The following KAZN variants were observed in gnomAD, a reference collection of about 807,000 sequenced individuals.
KAZN encodes kazrin, periplakin interacting protein.
KAZN carries 40 observed loss-of-function variants against 87.4 expected under a neutral mutation model. The observed-to-expected ratio is 0.46, with a 90% CI of 0.36 to 0.60. KAZN has a LOEUF of 0.60. Among genes scored for constraint, KAZN ranks in the 20% least tolerant of loss-of-function variants. The pLI is 0.00. For synonymous variants in KAZN, 466 were observed against 458.3 expected, an observed-to-expected ratio of 1.02 and a Z score of -0.22; for missense variants, 898 against 1,073.9, an observed-to-expected ratio of 0.84 and a Z score of 2.29.
At chr1:14,843,952 A>G (rs1648351943) in intron 1 of KAZN, among the ~76,000 whole-genome samples, 3 of 152,186 alleles carry the variant, frequency 2.0e-5, no homozygotes, top group Admixed American at 2.0e-4. Context: ...GCTTGGAACG[A>G]TTTCTTCCTG....
intron 1 of KAZN, among the ~76,000 whole-genome samples, chr1:14,933,564 T>G (rs1160870605): frequency 6.8e-6 from 1 of 147,258 alleles, no homozygotes; most frequent in African/African-American, 2.7e-5. Context: ...GGGGAAGATG[T>G]AAATCCAGGT....
At chr1:15,076,900 G>T in intron 8 of KAZN, among the ~76,000 whole-genome samples, 1 of 152,222 alleles carries the variant, frequency 6.6e-6, no homozygotes, top group East Asian at 1.9e-4. Context: ...GGCTCTCTCA[G>T]TTGCCAGCAT....
chr1:14,829,999 A>G (rs989768999), intron 1 of KAZN, among the ~76,000 whole-genome samples: 5 of 152,216 alleles, frequency 3.3e-5, no homozygotes, highest in Non-Finnish European at 5.9e-5. Flanking sequence ...GGCTATAGTA[A>G]TCAGTTCTTT....
At chr1:14,067,857 A>T (rs1643072025) in intron 1 of KAZN, among the ~76,000 whole-genome samples, 1 of 152,210 alleles carries the variant, frequency 6.6e-6, no homozygotes, top group South Asian at 2.1e-4. Flanking sequence ...TTCCTCATTC[A>T]GGCAGACTCA....
intron 2 of KAZN, among the ~76,000 whole-genome samples, chr1:14,303,480 G>A (rs577394582): frequency 1.1e-4 from 17 of 152,202 alleles, no homozygotes; most frequent in South Asian, 4.1e-4. Context: ...TCCTGACCTC[G>A]GATCTGCCCA....
At chr1:14,671,640 C>CTT (rs1054117152) in intron 1 of KAZN, among the ~76,000 whole-genome samples, 3 of 148,840 alleles carry the variant, frequency 2.0e-5, no homozygotes, top group African/African-American at 7.4e-5. Flanking sequence ...AGGGCCCATC[C>CTT]TTTTTTTTTT....
intron 1 of KAZN, among the ~76,000 whole-genome samples, chr1:14,170,977 G>T (rs991245341): frequency 9.9e-5 from 15 of 152,164 alleles, no homozygotes; most frequent in African/African-American, 3.6e-4. Context: ...CTCCCAAAGT[G>T]CTGGGATTAC....
intron 1 of KAZN, among the ~76,000 whole-genome samples, chr1:14,845,819 T>C (rs1648684746): frequency 6.6e-6 from 1 of 152,020 alleles, no homozygotes; most frequent in African/African-American, 2.4e-5. Flanking sequence ...GGGAGGGAGC[T>C]GGAGACAGCT....
intron 1 of KAZN, among the ~76,000 whole-genome samples, chr1:14,859,619 A>C (rs1650597477): frequency 6.6e-6 from 1 of 152,136 alleles, no homozygotes; most frequent in African/African-American, 2.4e-5. Context: ...CTCTGAATCT[A>C]ATTAGAATGT....
At chr1:13,981,829 G>C (rs12063315) in intron 1 of KAZN, among the ~76,000 whole-genome samples, 2 of 152,178 alleles carry the variant, frequency 1.3e-5, no homozygotes, top group African/African-American at 4.8e-5. Flanking sequence ...ACAGACCCTA[G>C]AAGATGCTGT....
intron 1 of KAZN, 36 bp from the exon 2 acceptor site, chr1:14,960,648 G>T: frequency 1.3e-6 from 2 of 1,542,446 alleles, no homozygotes; most frequent in Non-Finnish European, 1.7e-6. Context: ...CGGCAGAGAC[G>T]TTCCTGTCCT....
At chr1:14,689,193 T>TCAAAACAAAACAAAACAAAA (rs3081470) in intron 1 of KAZN, among the ~76,000 whole-genome samples, 5 of 147,760 alleles carry the variant, frequency 3.4e-5, no homozygotes, top group African/African-American at 1.3e-4. Context: ...AGACTCTGTC[T>TCAAAACAAAACAAAACAAAA]CAAAACAAAA....
In KAZN at chr1:14,273,749, T is replaced by C. The variant is rs1411857434; in HGVS notation, c.249+93157T>C. ...CTCAATAGCTACGTCCTTTCCTTCA[T>C]CTCCTCTTGGTCAAGACCTTTCTAA... On this transcript the variant is annotated intron_variant, in intron 2 of 16. Coordinates refer to the KAZN transcript ENST00000636203. Among the ~76,000 whole-genome samples, 3 of 152,288 alleles carry C rather than the reference T, an allele frequency of 2.0e-5. No individual in the cohort carries two copies. In the East Asian group the frequency reaches 5.8e-4, roughly 29 times the overall value.
At chr1:13,995,277 G>A (rs1163898216) in intron 1 of KAZN, among the ~76,000 whole-genome samples, 2 of 148,930 alleles carry the variant, frequency 1.3e-5, no homozygotes, top group African/African-American at 2.5e-5. Context: ...ATTTGCAGAT[G>A]ACCATGATTG....
intron 2 of KAZN, among the ~76,000 whole-genome samples, chr1:14,361,677 C>A (rs1026326002): frequency 6.6e-6 from 1 of 152,242 alleles, no homozygotes; most frequent in Non-Finnish European, 1.5e-5. Context: ...CAGTCCCTCA[C>A]GGCTCCCTTG....
chr1:14,637,544 TC>T (rs1379985538), intron 1 of KAZN, among the ~76,000 whole-genome samples: 2 of 152,106 alleles, frequency 1.3e-5, no homozygotes, highest in African/African-American at 4.8e-5. Flanking sequence ...GATAATCTCT[TC>T]TCAAGGCTGG....
intron 2 of KAZN, among the ~76,000 whole-genome samples, chr1:14,454,260 C>A (rs1272083442): frequency 6.6e-6 from 1 of 152,170 alleles, no homozygotes; most frequent in Non-Finnish European, 1.5e-5. Context: ...TTGTTGAAAT[C>A]TAGAGAACAT....
intron 1 of KAZN, among the ~76,000 whole-genome samples, chr1:14,089,715 G>T (rs1427475067): frequency 6.6e-6 from 1 of 152,076 alleles, no homozygotes; most frequent in Non-Finnish European, 1.5e-5. Flanking sequence ...TTTCATATTT[G>T]CTATTTCTGG....
At chr1:14,986,130 C>T (rs1666799297) in intron 2 of KAZN, among the ~76,000 whole-genome samples, 1 of 151,824 alleles carries the variant, frequency 6.6e-6, no homozygotes, top group South Asian at 2.1e-4. Context: ...ATTTGGGATC[C>T]TGGATCGGAG....
Sources: allele counts gnomAD v4.1 joint callset (sites outside exome capture counted in the v4.1 genomes callset), GRCh38; gene constraint gnomAD v4.1.1; transcripts MANE v1.5; gene names NCBI Gene and HGNC (gene_info 2026-07-23, HGNC 2026-07-21).